Variants in GABRG3 observed in about 807,000 individuals in gnomAD.
The protein encoded by GABRG3 is gamma-aminobutyric acid type A receptor subunit gamma3.
Under a neutral mutation model 48.8 loss-of-function variants are expected in GABRG3, and 25 were observed. The ratio of observed to expected loss-of-function variants is 0.51; its 90% CI spans 0.37 to 0.72. GABRG3 has a LOEUF of 0.72. Among genes scored for constraint, GABRG3 ranks in the 30% least tolerant of loss-of-function variants. GABRG3 has a pLI of 0.00. For missense variants in GABRG3, 394 were observed against 577.9 expected, an observed-to-expected ratio of 0.68 and a Z score of 3.26; for synonymous variants, 227 against 217.6, an observed-to-expected ratio of 1.04 and a Z score of -0.38.
At chr15:26,981,258 G>C (rs1408203778) in intron 2 of GABRG3, among the ~76,000 whole-genome samples, 1 of 152,198 alleles carries the variant, frequency 6.6e-6, no homozygotes, top group African/African-American at 2.4e-5. Flanking sequence ...ACTGCTGTGA[G>C]CATTTCTGTA....
chr15:27,155,147 C>T (rs1037024743), intron 3 of GABRG3, among the ~76,000 whole-genome samples: 1 of 152,130 alleles, frequency 6.6e-6, no homozygotes, highest in Non-Finnish European at 1.5e-5. Flanking sequence ...ATTCTTTCCT[C>T]TTTCCTCAAT....
rs528655989 is a variant in GABRG3, at chr15:27,249,055, G to A, written c.271-77754G>A. 2.0e-3 allele frequency among the ~76,000 whole-genome samples: 306 copies of A among 152,224 alleles called. 2 individuals are homozygous for A. Among genetic ancestry groups the A allele is most frequent in the African/African-American group, 6.8e-3 (283 of 41,534 alleles). On this transcript the variant is annotated intron_variant, in intron 3 of 9. Coordinates refer to ENST00000615808, the MANE Select transcript of GABRG3 (RefSeq NM_033223.5). ...GGACACAGAGTTTAGTCAAATGGTCGGAATAACTAGCGACAATGCATACAA... is the reference window on the plus strand; with the variant it reads ...GGACACAGAGTTTAGTCAAATGGTCAGAATAACTAGCGACAATGCATACAA...
chr15:27,149,069 A>C (rs1898262179), intron 3 of GABRG3, among the ~76,000 whole-genome samples: 1 of 152,108 alleles, frequency 6.6e-6, no homozygotes, highest in African/African-American at 2.4e-5. Context: ...CTGTATTTGC[A>C]GATGACATGC....
At chr15:27,217,315 A>G (rs1028638637) in intron 3 of GABRG3, among the ~76,000 whole-genome samples, 2 of 152,196 alleles carry the variant, frequency 1.3e-5, no homozygotes, top group African/African-American at 2.4e-5. Context: ...AGTGTCTCCT[A>G]TGGCCCTTTG....
chr15:27,304,759 T>C (rs938600146), intron 3 of GABRG3, among the ~76,000 whole-genome samples: 3 of 151,974 alleles, frequency 2.0e-5, no homozygotes, highest in Non-Finnish European at 2.9e-5. Context: ...CTTAATGATA[T>C]CCAAAGTACT....
intron 3 of GABRG3, among the ~76,000 whole-genome samples, chr15:27,103,317 T>C (rs150599055): frequency 5.7e-4 from 87 of 152,314 alleles, no homozygotes; most frequent in African/African-American, 2.0e-3. Flanking sequence ...CCCTTTGCAG[T>C]TGGAGGCTCA....
chr15:27,269,244 A>G (rs1891009648), intron 3 of GABRG3, among the ~76,000 whole-genome samples: 1 of 152,092 alleles, frequency 6.6e-6, no homozygotes, highest in Non-Finnish European at 1.5e-5. Flanking sequence ...TTTCAGTGTA[A>G]TATCTACACA....
chr15:27,190,444 T>C (rs1162201695), intron 3 of GABRG3, among the ~76,000 whole-genome samples: 1 of 152,212 alleles, frequency 6.6e-6, no homozygotes, highest in African/African-American at 2.4e-5. Flanking sequence ...TTTTTCCTGG[T>C]TTAGTCTTGG....
intron 3 of GABRG3, among the ~76,000 whole-genome samples, chr15:27,260,098 C>T (rs554268182): frequency 2.6e-5 from 4 of 152,122 alleles, no homozygotes; most frequent in African/African-American, 7.2e-5. Context: ...CTAGTCTGCC[C>T]GGGCTGCTAT....
At chr15:27,490,867 T>C (rs1418134641) in intron 6 of GABRG3, among the ~76,000 whole-genome samples, 1 of 152,208 alleles carries the variant, frequency 6.6e-6, no homozygotes, top group Non-Finnish European at 1.5e-5. Flanking sequence ...TGGCCCCACG[T>C]GTGGCCCTTG....
chr15:27,118,694 C>T (rs924584452), intron 3 of GABRG3, among the ~76,000 whole-genome samples: 6 of 152,178 alleles, frequency 3.9e-5, no homozygotes, highest in Non-Finnish European at 7.3e-5. Flanking sequence ...CTCAGTCATT[C>T]TGCTGATTCA....
chr15:27,480,656 A>C lies in GABRG3; in HGVS notation c.581A>C (p.Tyr194Ser). 1 of 1,609,744 alleles carries C rather than the reference A, an allele frequency of 6.2e-7. No individual in the cohort carries two copies. Among genetic ancestry groups the C allele is most frequent in the East Asian group, 2.2e-5 (1 of 44,792 alleles). ...GTTTGCTCTGTGTTTTTAGATGGCT[A>C]TCCCAAAGAAGAAATGATTTATAGA... ...SCPLIFSSYG[Y>S]PKEEMIYRWR... Residue 194 changes from tyrosine to serine, a missense_variant, in exon 6 of 10, where the codon TAT becomes TCT. Tyr to Ser is a moderately radical substitution (Grantham distance 144, BLOSUM62 -2). Around this residue, in one of 3 missense-constraint regions of GABRG3, gnomAD observed 218 missense variants for 309.9 expected, o/e 0.70. Coordinates refer to ENST00000615808, the MANE Select transcript of GABRG3 (RefSeq NM_033223.5).
At chr15:27,129,040 A>G (rs1284973704) in intron 3 of GABRG3, among the ~76,000 whole-genome samples, 2 of 152,248 alleles carry the variant, frequency 1.3e-5, no homozygotes, top group Non-Finnish European at 2.9e-5. Flanking sequence ...GTAAAAATAT[A>G]CATAACATAG....
At position 27,482,318 on chromosome 15, in the gene GABRG3, A is replaced by G. The variant is rs555277987; in HGVS notation, c.712+1531A>G. Among the ~76,000 whole-genome samples, 24 of 152,378 alleles carry G rather than the reference A, an allele frequency of 1.6e-4. No individual in the cohort carries two copies. In the East Asian group the frequency reaches 3.5e-3, roughly 22 times the overall value. Reference sequence around the variant, plus strand: ...CATTTCATACGCTCGGGACGGACGCATGGTGGCTGTAGCCCACAAGCATGA... The same window carrying G: ...CATTTCATACGCTCGGGACGGACGCGTGGTGGCTGTAGCCCACAAGCATGA... On this transcript the variant is annotated intron_variant, in intron 6 of 9. Coordinates refer to ENST00000615808, the MANE Select transcript of GABRG3 (RefSeq NM_033223.5).
intron 2 of GABRG3, among the ~76,000 whole-genome samples, chr15:26,988,689 TTTTC>T (rs1440859970): frequency 2.0e-5 from 3 of 152,094 alleles, no homozygotes; most frequent in Non-Finnish European, 4.4e-5. Flanking sequence ...ATCTTTTTAT[TTTTC>T]TTTCTTTTTT....
At chr15:27,526,490 T>C (rs1316426064) in intron 7 of GABRG3, among the ~76,000 whole-genome samples, 2 of 152,184 alleles carry the variant, frequency 1.3e-5, no homozygotes, top group Non-Finnish European at 2.9e-5. Flanking sequence ...CTTCCCTGTC[T>C]AGTAGTCCTG....
In GABRG3 at chr15:27,306,977, AT is replaced by A. The variant is rs1566769579; in HGVS notation, c.271-19831del. 4.0e-3 allele frequency among the ~76,000 whole-genome samples: 176 copies of A among 44,298 alleles called. 9 individuals carry two copies. The highest frequency in any genetic ancestry group is 9.9e-3 in the African/African-American group (168 of 16,934). The allele number at this position is 44,298 out of a possible 152,430, so 29.1% of individuals were successfully genotyped here. A position where few individuals can be genotyped will look rare whatever the true frequency, so the allele number is the denominator to read the frequency against. ...TAAACATGTTTATATATAAACATAT[AT>A]AATATAAACATGTTTATATATAAAC... On this transcript the variant is annotated intron_variant, in intron 3 of 9. Transcript: ENST00000615808.
intron 5 of GABRG3, among the ~76,000 whole-genome samples, chr15:27,400,771 T>C (rs1887452825): frequency 6.6e-6 from 1 of 152,214 alleles, no homozygotes; most frequent in Non-Finnish European, 1.5e-5. Flanking sequence ...AACTTCCTAT[T>C]CTAAATTTCA....
At chr15:27,423,471 G>C (rs1888193073) in intron 5 of GABRG3, among the ~76,000 whole-genome samples, 1 of 151,064 alleles carries the variant, frequency 6.6e-6, no homozygotes, top group Non-Finnish European at 1.5e-5. Context: ...ATCAAATCTG[G>C]ACTCAACATT....
Sources: gnomAD v4.1 joint callset for allele counts (sites outside exome capture counted in the v4.1 genomes callset) on GRCh38, gnomAD v4.1.1 for gene constraint, gnomAD v4.1.1 regional missense constraint, MANE v1.5 for transcripts, NCBI Gene and HGNC (gene_info 2026-07-23, HGNC 2026-07-21) for gene names.